The following SGCZ variants were observed in gnomAD, a reference collection of about 807,000 sequenced individuals.
SGCZ encodes the protein zeta-sarcoglycan.
Under a neutral mutation model 41.3 loss-of-function variants are expected in SGCZ, and 40 were observed. The ratio of observed to expected loss-of-function variants is 0.97; its 90% CI spans 0.75 to 1.26. The LOEUF is 1.26. Ranked by LOEUF, SGCZ falls within the 50% of genes most tolerant of loss-of-function variation. SGCZ has a pLI of 0.00. For missense variants in SGCZ, 552 were observed against 369.8 expected (o/e 1.49, Z -4.04); for synonymous variants, 206 against 137.5 (o/e 1.50, Z -3.49).
chr8:14,687,264 T>C (rs1280641300), intron 1 of SGCZ, among the ~76,000 whole-genome samples: 1 of 151,346 alleles, frequency 6.6e-6, no homozygotes, highest in African/African-American at 2.4e-5. Flanking sequence ...TACATATGTA[T>C]ACTTGTGCCA....
chr8:14,924,291 T>C (rs1799678349), intron 1 of SGCZ, among the ~76,000 whole-genome samples: 1 of 152,198 alleles, frequency 6.6e-6, no homozygotes, highest in African/African-American at 2.4e-5. Flanking sequence ...AAATGAAGTT[T>C]TTCACTCCTG....
intron 1 of SGCZ, among the ~76,000 whole-genome samples, chr8:14,779,542 A>G (rs1800519488): frequency 6.6e-6 from 1 of 152,224 alleles, no homozygotes. Context: ...ATTGGAAGAA[A>G]TGATTGCTTT....
intron 1 of SGCZ, among the ~76,000 whole-genome samples, chr8:14,703,430 C>G: frequency 6.6e-6 from 1 of 151,884 alleles, no homozygotes; most frequent in Non-Finnish European, 1.5e-5. Flanking sequence ...TGTGTCAGAC[C>G]ATATGAGAGA....
intron 1 of SGCZ, among the ~76,000 whole-genome samples, chr8:15,105,083 T>G (rs1392429291): frequency 3.9e-5 from 6 of 152,216 alleles, no homozygotes; most frequent in Non-Finnish European, 4.4e-5. Flanking sequence ...CCCAATAAAT[T>G]GGTTAATTAC....
intron 1 of SGCZ, among the ~76,000 whole-genome samples, chr8:15,223,855 T>TA (rs1801685406): frequency 1.5e-5 from 2 of 135,528 alleles, no homozygotes; most frequent in African/African-American, 5.6e-5. Context: ...CCTTTTTAAA[T>TA]TTTTATTTAT....
chr8:14,826,179 C>T (rs1033922231), intron 1 of SGCZ, among the ~76,000 whole-genome samples: 4 of 149,578 alleles, frequency 2.7e-5, no homozygotes, highest in East Asian at 2.0e-4. Flanking sequence ...TGAGAACATG[C>T]AGTGTTTGGT....
At chr8:14,459,648 G>A (rs767888354) in intron 2 of SGCZ, among the ~76,000 whole-genome samples, 13 of 151,986 alleles carry the variant, frequency 8.6e-5, no homozygotes, top group Non-Finnish European at 1.9e-4. Flanking sequence ...TTATAGTAGA[G>A]AAATGTAGCC....
chr8:14,263,046 A>G (rs2117239875), intron 3 of SGCZ, among the ~76,000 whole-genome samples: 1 of 152,268 alleles, frequency 6.6e-6, no homozygotes, highest in Non-Finnish European at 1.5e-5. Context: ...GAACAATAAG[A>G]TTATTTTGGA....
At chr8:14,163,288 T>C (rs1364299447) in intron 5 of SGCZ, among the ~76,000 whole-genome samples, 1 of 152,266 alleles carries the variant, frequency 6.6e-6, no homozygotes, top group East Asian at 1.9e-4. Flanking sequence ...TAATACTTAT[T>C]CGTTATTTTT....
chr8:14,921,784 C>T (rs1013078234), intron 1 of SGCZ, among the ~76,000 whole-genome samples: 1 of 152,044 alleles, frequency 6.6e-6, no homozygotes, highest in African/African-American at 2.4e-5. Context: ...AGTAAAAGTT[C>T]ACTCCTTATA....
Position 14,305,280 on chromosome 8 carries a change from A to C in SGCZ, c.336+18823T>G, listed in dbSNP as rs150570883. ...CAATGGTTAGCATGACAGATGCCTT[A>C]CAATTAACATTAATGCCACAGAAAT... On this transcript the variant is annotated intron_variant, in intron 3 of 7. Coordinates refer to ENST00000382080, the MANE Select transcript of SGCZ (RefSeq NM_139167.4). Among the ~76,000 whole-genome samples the C allele has an allele frequency of 3.3e-5, 5 of 152,294 alleles. No homozygotes were observed. The East Asian group carries it at 9.7e-4, about 29-fold the overall frequency.
chr8:14,112,994 A>G (rs1349451304), intron 5 of SGCZ, among the ~76,000 whole-genome samples: 2 of 152,106 alleles, frequency 1.3e-5, no homozygotes, highest in East Asian at 3.9e-4. Flanking sequence ...AAAATTTATT[A>G]CCTCTCGAAA....
chr8:14,437,683 G>C (rs1331838168), intron 2 of SGCZ, among the ~76,000 whole-genome samples: 2 of 151,666 alleles, frequency 1.3e-5, no homozygotes, highest in African/African-American at 4.8e-5. Context: ...AGGGACCTGA[G>C]ACCATCATGT....
chr8:15,171,136 G>T (rs1399952094), intron 1 of SGCZ, among the ~76,000 whole-genome samples: 4 of 152,174 alleles, frequency 2.6e-5, no homozygotes, highest in Non-Finnish European at 4.4e-5. Context: ...TGTTGGAGCT[G>T]ACTTTCTAGA....
At chr8:15,097,389 G>A (rs1474959830) in intron 1 of SGCZ, among the ~76,000 whole-genome samples, 2 of 152,032 alleles carry the variant, frequency 1.3e-5, no homozygotes, top group Admixed American at 1.3e-4. Flanking sequence ...ATAAAAGGCT[G>A]AGGCAACCGC....
chr8:14,479,761 T>TTTTTA (rs1563356644), intron 2 of SGCZ, among the ~76,000 whole-genome samples: 1 of 92,114 alleles, frequency 1.1e-5, no homozygotes, highest in South Asian at 3.1e-4. Flanking sequence ...TTTTTTTTTT[T>TTTTTA]ATTTGAGATG....
intron 1 of SGCZ, among the ~76,000 whole-genome samples, chr8:14,732,564 C>T (rs1022347915): frequency 1.3e-5 from 2 of 152,188 alleles, no homozygotes; most frequent in Admixed American, 6.5e-5. Flanking sequence ...TGCTAAGCCC[C>T]TCACACTCCA....
At chr8:14,837,506 G>A (rs989349431) in intron 1 of SGCZ, among the ~76,000 whole-genome samples, 27 of 152,210 alleles carry the variant, frequency 1.8e-4, no homozygotes, top group African/African-American at 6.0e-4. Flanking sequence ...CCCAACTCCC[G>A]TTGCATCAGG....
In SGCZ at chr8:14,445,727, A is replaced by AG. The variant is rs1195902153; in HGVS notation, c.234+109004dup. On this transcript the variant is annotated intron_variant, in intron 2 of 7. Coordinates refer to ENST00000382080, the MANE Select transcript of SGCZ (RefSeq NM_139167.4). Reference sequence around the variant, plus strand: ...ACCAACTATTCATGGTCACTGGCAGAGGGCAGCCTCCCCAGGTGATGTGGC... The same window carrying AG: ...ACCAACTATTCATGGTCACTGGCAGAGGGGCAGCCTCCCCAGGTGATGTGGC... Among the ~76,000 whole-genome samples the AG allele has an allele frequency of 7.2e-5, 11 of 152,312 alleles. No individual in the cohort carries two copies. The East Asian group carries it at 2.1e-3, about 29-fold the overall frequency.
Sources: gnomAD v4.1 joint callset for allele counts (sites outside exome capture counted in the v4.1 genomes callset) on GRCh38, gnomAD v4.1.1 for gene constraint, MANE v1.5 for transcripts, NCBI Gene and HGNC (gene_info 2026-07-23, HGNC 2026-07-21) for gene names.